The following THADA variants were observed in gnomAD, a reference collection of about 807,000 sequenced individuals.
The protein encoded by THADA is THADA armadillo repeat containing, also known as tRNA (32-2'-O)-methyltransferase regulator THADA.
In THADA, 213 loss-of-function variants were observed where a neutral mutation model predicts 219.8. The ratio of observed to expected loss-of-function variants is 0.97; its 90% CI spans 0.87 to 1.09. The LOEUF (loss-of-function observed/expected upper bound fraction) is 1.09. Ranked by LOEUF, THADA falls within the 50% of genes least tolerant of loss-of-function variation. The probability of loss-of-function intolerance (pLI) is 0.00; values close to 1 mark genes in which losing one functional copy is unlikely to be tolerated. For missense variants in THADA, 2,956 were observed against 2,311.3 expected (o/e 1.28, Z -5.72); for synonymous variants, 1,018 against 828.9 (o/e 1.23, Z -3.92).
chr2:43,502,177 C>T (rs569782411), intron 24 of THADA, among the ~76,000 whole-genome samples: 9 of 148,034 alleles, frequency 6.1e-5, no homozygotes, highest in South Asian at 4.3e-4. Flanking sequence ...AAGACTTGCA[C>T]GCACTCCAGC....
At chr2:43,487,004 T>C (rs1686993816) in intron 25 of THADA, among the ~76,000 whole-genome samples, 1 of 152,126 alleles carries the variant, frequency 6.6e-6, no homozygotes, top group Non-Finnish European at 1.5e-5. Context: ...GCACAATCCA[T>C]ATCAAAAATG....
At chr2:43,367,470 A>C (rs1328579273) in intron 29 of THADA, among the ~76,000 whole-genome samples, 1 of 152,228 alleles carries the variant, frequency 6.6e-6, no homozygotes, top group African/African-American at 2.4e-5. Context: ...TCTATTAAAA[A>C]GCCTTGTGGG....
Position 43,560,384 on chromosome 2 carries a change from G to A in THADA, c.2313C>T (p.Gly771=), listed in dbSNP as rs746470029. ...TCAGCTGATATACTGTATAAATTCT[G>A]CCTAAAAATATTTTAAAAACAAAAA... ...SIAEVFHVPE[G]RIYTVYQLSH... The change falls in exon 16 of 38, where the codon GGC becomes GGT. Residue 771 remains glycine (G), a splice_region_variant and synonymous_variant. Coordinates refer to ENST00000405975, the MANE Select transcript of THADA (RefSeq NM_022065.5). The A allele has an allele frequency of 3.3e-6, 5 of 1,512,612 alleles. No homozygotes were observed. Among genetic ancestry groups the A allele is most frequent in the South Asian group, 2.7e-5 (2 of 74,196 alleles). 93.7% of individuals were successfully genotyped at this position (1,512,612 alleles called of 1,614,324 possible). A position where few individuals can be genotyped will look rare whatever the true frequency, so the allele number is the denominator to read the frequency against.
intron 30 of THADA, among the ~76,000 whole-genome samples, chr2:43,327,343 A>T (rs1679448088): frequency 6.6e-6 from 1 of 152,048 alleles, no homozygotes; most frequent in African/African-American, 2.4e-5. Context: ...CACTGGAGTT[A>T]ATGAAGCAAT....
At position 43,581,327 on chromosome 2, in the gene THADA, C is replaced by G. The variant is rs151066444; in HGVS notation, c.721+414G>C. On this transcript the variant is annotated intron_variant, in intron 8 of 37. Coordinates refer to ENST00000405975, the MANE Select transcript of THADA (RefSeq NM_022065.5). ...AGCAGGTTACTTGAGGCCAGGAGTT[C>G]CAGAACAGCCTGGCCAACATGGCAA... is the stretch of plus-strand genomic sequence containing the variant. 5.8e-3 allele frequency among the ~76,000 whole-genome samples: 885 copies of G among 152,112 alleles called. 14 individuals carry two copies. Among genetic ancestry groups the G allele is most frequent in the African/African-American group, 0.02 (835 of 41,494 alleles).
rs765062132 is a variant in THADA at position 43,581,824 on chromosome 2, C to T, written c.638G>A (p.Gly213Glu). The T allele has an allele frequency of 6.2e-7, 1 of 1,612,920 alleles. No homozygotes were observed. The highest frequency in any genetic ancestry group is 1.1e-5 in the South Asian group (1 of 90,870). ...AGAATCGGAAGTCTTCCAAAGATTT[C>T]CCTGGAAATCTTGTACTTTCTGTAC... ...MLVQKVQDFQ[G>E]NLWKTSDSPI... Residue 213 changes from glycine to glutamate, a missense_variant, in exon 8 of 38, where the codon GGA becomes GAA. Physicochemically the swap from Gly to Glu is moderately conservative, Grantham distance 98 (BLOSUM62 -2). Transcript: ENST00000405975.
At chr2:43,547,765 G>T (rs956551148) in intron 20 of THADA, among the ~76,000 whole-genome samples, 7 of 152,034 alleles carry the variant, frequency 4.6e-5, no homozygotes, top group African/African-American at 9.7e-5. Context: ...TTATACATTT[G>T]TCTAAATTTT....
intron 26 of THADA, among the ~76,000 whole-genome samples, chr2:43,453,753 A>T (rs988269145): frequency 5.3e-5 from 8 of 152,198 alleles, no homozygotes; most frequent in Non-Finnish European, 1.2e-4. Context: ...CAGACTTTCA[A>T]CATAGCTGGG....
intron 33 of THADA, 46 bp downstream of exon 33, chr2:43,292,058 G>C (rs1674793625): frequency 2.3e-6 from 3 of 1,283,296 alleles, no homozygotes; most frequent in Admixed American, 2.2e-5. Context: ...TGACTGATGG[G>C]ACCATACATC....
At chr2:43,272,220 C>T (rs1572861418) in intron 36 of THADA, among the ~76,000 whole-genome samples, 2 of 152,092 alleles carry the variant, frequency 1.3e-5, no homozygotes, top group Non-Finnish European at 2.9e-5. Context: ...AGGGGAGGAG[C>T]GGCAGGGGCT....
At chr2:43,485,184 C>A (rs779617468) in intron 26 of THADA, 50 bp downstream of exon 26, 163 of 1,434,742 alleles carry the variant, frequency 1.1e-4, no homozygotes, top group Non-Finnish European at 1.5e-4. Context: ...TTGGCCAGGA[C>A]AATATTGTAT....
chr2:43,293,446 T>C (rs1264615570), intron 31 of THADA, among the ~76,000 whole-genome samples: 2 of 152,136 alleles, frequency 1.3e-5, no homozygotes, highest in East Asian at 3.9e-4. Context: ...GCATTACTAT[T>C]AGAAAATGCG....
chr2:43,516,886 G>A (rs1016333959), intron 22 of THADA, among the ~76,000 whole-genome samples: 8 of 152,060 alleles, frequency 5.3e-5, no homozygotes, highest in Non-Finnish European at 1.0e-4. Flanking sequence ...AAATAGAACC[G>A]CAGAATAAAA....
intron 29 of THADA, among the ~76,000 whole-genome samples, chr2:43,361,939 T>C (rs1358201813): frequency 6.6e-6 from 1 of 152,240 alleles, no homozygotes; most frequent in East Asian, 1.9e-4. Context: ...GGTTTATTCT[T>C]GATATTCTTT....
intron 17 of THADA, 123 bp from the exon 18 acceptor site, chr2:43,552,462 A>G: frequency 1.9e-6 from 2 of 1,071,292 alleles, no homozygotes; most frequent in Admixed American, 6.4e-5. Context: ...GAGTTTTTTA[A>G]TCAAAAAGAG....
chr2:43,520,480 G>C (rs949838715), intron 22 of THADA, among the ~76,000 whole-genome samples: 6 of 152,064 alleles, frequency 3.9e-5, no homozygotes, highest in African/African-American at 1.4e-4. Context: ...TTGATCTCAG[G>C]AGTTGGAGAC....
chr2:43,421,649 T>C (rs915269732), intron 28 of THADA, among the ~76,000 whole-genome samples: 2 of 152,220 alleles, frequency 1.3e-5, no homozygotes, highest in Non-Finnish European at 1.5e-5. Context: ...TCAGAAAATG[T>C]GGCTTAAGCC....
At chr2:43,413,116 C>T (rs1403529957) in intron 28 of THADA, among the ~76,000 whole-genome samples, 2 of 152,104 alleles carry the variant, frequency 1.3e-5, no homozygotes, top group African/African-American at 4.8e-5. Flanking sequence ...ATTTCCCTCT[C>T]TCCCCTCTTC....
chr2:43,510,167 T>C (rs1312086427), intron 22 of THADA, among the ~76,000 whole-genome samples: 2 of 152,102 alleles, frequency 1.3e-5, no homozygotes, highest in East Asian at 3.8e-4. Context: ...TGGAACAAAG[T>C]TTCCATATTT....
Sources: allele counts gnomAD v4.1 joint callset (sites outside exome capture counted in the v4.1 genomes callset), GRCh38; gene constraint gnomAD v4.1.1; transcripts MANE v1.5; gene names NCBI Gene and HGNC (gene_info 2026-07-23, HGNC 2026-07-21).